TRPC6: variants seen among roughly 807,000 people sequenced by gnomAD.
TRPC6 encodes the protein short transient receptor potential channel 6.
In TRPC6, 55 loss-of-function variants were observed where a neutral mutation model predicts 90.7. That is an observed-to-expected ratio of 0.61 (90% confidence interval 0.49 to 0.76). The LOEUF is 0.76. Ranked by LOEUF, TRPC6 falls within the 30% of genes least tolerant of loss-of-function variation. The pLI is 0.00. For synonymous variants in TRPC6, 393 were observed against 393.0 expected (o/e 1.00, Z 0.00); for missense variants, 989 against 1,122.7 (o/e 0.88, Z 1.70).
chr11:101,576,188 C>A (rs1402458970), intron 1 of TRPC6, among the ~76,000 whole-genome samples: 1 of 152,124 alleles, frequency 6.6e-6, no homozygotes, highest in Non-Finnish European at 1.5e-5. Context: ...TGAGTAGATG[C>A]TCTGAAGATC....
At chr11:101,507,198 A>C (rs1300553878) in intron 1 of TRPC6, among the ~76,000 whole-genome samples, 1 of 152,086 alleles carries the variant, frequency 6.6e-6, no homozygotes, top group Admixed American at 6.6e-5. Flanking sequence ...CAGCTTCCCT[A>C]TAACCTTAAA....
chr11:101,544,380 G>T (rs1259842846), intron 1 of TRPC6, among the ~76,000 whole-genome samples: 6 of 152,098 alleles, frequency 3.9e-5, no homozygotes, highest in African/African-American at 1.4e-4. Flanking sequence ...CCATTACTGG[G>T]TATATACCCA....
chr11:101,545,962 A>G (rs1367232061), intron 1 of TRPC6, among the ~76,000 whole-genome samples: 1 of 151,246 alleles, frequency 6.6e-6, no homozygotes, highest in African/African-American at 2.4e-5. Flanking sequence ...CGTTCTGTGA[A>G]TAGGGCTATA....
At chr11:101,505,500 G>C (rs992962153) in intron 1 of TRPC6, among the ~76,000 whole-genome samples, 2 of 152,184 alleles carry the variant, frequency 1.3e-5, no homozygotes, top group Non-Finnish European at 2.9e-5. Flanking sequence ...ACAGGGGTTA[G>C]GTATAGGTAG....
intron 1 of TRPC6, among the ~76,000 whole-genome samples, chr11:101,576,018 C>G (rs1294920867): frequency 6.6e-6 from 1 of 152,172 alleles, no homozygotes; most frequent in African/African-American, 2.4e-5. Flanking sequence ...ATATGGGATA[C>G]TGAGAGAATC....
At chr11:101,475,045 G>A (rs1167432274) in intron 6 of TRPC6, among the ~76,000 whole-genome samples, 1 of 152,166 alleles carries the variant, frequency 6.6e-6, no homozygotes, top group Non-Finnish European at 1.5e-5. Flanking sequence ...TGGAGGATAT[G>A]TCTGCCTAAT....
intron 1 of TRPC6, among the ~76,000 whole-genome samples, chr11:101,552,055 C>T (rs988896498): frequency 6.6e-6 from 1 of 152,064 alleles, no homozygotes; most frequent in African/African-American, 2.4e-5. Context: ...TGTCTTTTAT[C>T]GGCATCCATG....
At chr11:101,500,264 G>A (rs1250405719) in intron 2 of TRPC6, among the ~76,000 whole-genome samples, 13 of 145,888 alleles carry the variant, frequency 8.9e-5, no homozygotes, top group Admixed American at 5.5e-4. Flanking sequence ...ACTGGAGTGC[G>A]GTGGCGCAAT....
intron 2 of TRPC6, among the ~76,000 whole-genome samples, chr11:101,495,960 G>A (rs1859936011): frequency 6.6e-6 from 1 of 152,082 alleles, no homozygotes; most frequent in Admixed American, 6.6e-5. Flanking sequence ...GAAAAAAGAG[G>A]TTTAATTGGC....
At chr11:101,517,373 G>A (rs1591104640) in intron 1 of TRPC6, among the ~76,000 whole-genome samples, 1 of 152,156 alleles carries the variant, frequency 6.6e-6, no homozygotes, top group South Asian at 2.1e-4. Flanking sequence ...TGCTAAGAAT[G>A]CTTGTTTTCA....
At chr11:101,481,213 C>T (rs149768418) in intron 5 of TRPC6, among the ~76,000 whole-genome samples, 3,243 of 152,266 alleles carry the variant, frequency 0.021, 49 homozygotes, top group Non-Finnish European at 0.031. Context: ...GTCAGTGCTT[C>T]TCCAGGTCCC....
intron 6 of TRPC6, among the ~76,000 whole-genome samples, chr11:101,474,193 A>G (rs1221684117): frequency 6.6e-6 from 1 of 152,236 alleles, no homozygotes; most frequent in Non-Finnish European, 1.5e-5. Flanking sequence ...TTCAGCGTTT[A>G]GCAAGTGCCT....
At position 101,489,013 on chromosome 11, in the gene TRPC6, T is replaced by C. The variant is rs1424208536; in HGVS notation, c.1217A>G (p.Lys406Arg). Reference protein sequence around the residue: ...SGLRQQTMAVKFLVVLAVAIG... With the variant: ...SGLRQQTMAVRFLVVLAVAIG... ...GGCAACAGCAAGGACCACAAGGAACTTGACCGCCATTGTCTGCTGTCGTAA... is the reference window on the plus strand; with the variant it reads ...GGCAACAGCAAGGACCACAAGGAACCTGACCGCCATTGTCTGCTGTCGTAA... The change falls in exon 4 of 13, where the codon AAG (lysine) becomes AGG (arginine). Residue 406 changes from lysine to arginine, a missense_variant. Lys to Arg is a conservative substitution (Grantham distance 26). Transcript: ENST00000344327. 1 of 1,614,058 alleles carries C rather than the reference T, an allele frequency of 6.2e-7. No individual in the cohort carries two copies. Among genetic ancestry groups the C allele is most frequent in the Non-Finnish European group, 8.5e-7 (1 of 1,180,022 alleles).
intron 1 of TRPC6, among the ~76,000 whole-genome samples, chr11:101,570,848 T>C (rs1861947069): frequency 6.6e-6 from 1 of 151,898 alleles, no homozygotes; most frequent in Admixed American, 6.6e-5. Context: ...ACTCTCAAAC[T>C]AGGCATTGAT....
intron 1 of TRPC6, among the ~76,000 whole-genome samples, chr11:101,509,715 G>T (rs1052404367): frequency 2.6e-5 from 4 of 151,854 alleles, no homozygotes; most frequent in Non-Finnish European, 5.9e-5. Context: ...TATTTCCGTA[G>T]AATTTTTTTT....
chr11:101,500,893 TAG>T (rs969847045), intron 2 of TRPC6, among the ~76,000 whole-genome samples: 3 of 152,266 alleles, frequency 2.0e-5, no homozygotes, highest in African/African-American at 7.2e-5. Context: ...TTACAGCATT[TAG>T]AGTCCTTTGC....
chr11:101,452,952 G>A lies in TRPC6; in HGVS notation c.*3C>T, dbSNP rs199566055. 1.6e-5 allele frequency: 26 copies of A among 1,613,494 alleles called. No homozygotes were observed. The highest frequency in any genetic ancestry group is 6.7e-5 in the Admixed American group (4 of 59,964). The stretch of plus-strand genomic sequence containing the variant: ...AATATGAATTTCTAAGGAAGTCTTC[G>A]CATTATCTATTGGTTTCCTCTTGAT... On this transcript the variant is annotated 3_prime_UTR_variant, in exon 13 of 13. Transcript: ENST00000344327.
chr11:101,491,853 T>TTC, intron 2 of TRPC6, 115 bp from the exon 3 acceptor site: 1 of 1,116,658 alleles, frequency 9.0e-7, no homozygotes, highest in Non-Finnish European at 1.2e-6. Flanking sequence ...TTTTTTTTTT[T>TTC]TTTTTGAGAC....
intron 1 of TRPC6, among the ~76,000 whole-genome samples, chr11:101,529,650 A>G (rs1286076079): frequency 6.6e-6 from 1 of 152,222 alleles, no homozygotes; most frequent in African/African-American, 2.4e-5. Flanking sequence ...CTTCCTATGT[A>G]CAGGCCAGGT....
Sources: gnomAD v4.1 joint callset for allele counts (sites outside exome capture counted in the v4.1 genomes callset) on GRCh38, gnomAD v4.1.1 for gene constraint, MANE v1.5 for transcripts, NCBI Gene and HGNC (gene_info 2026-07-23, HGNC 2026-07-21) for gene names.